Variants in NIBAN1 observed in about 807,000 individuals in gnomAD.
The protein encoded by NIBAN1 is niban apoptosis regulator 1.
A neutral mutation model predicts 75.1 loss-of-function variants in NIBAN1; 81 were observed. That is an observed-to-expected ratio of 1.08 (90% CI 0.90 to 1.30). NIBAN1 has a LOEUF of 1.30. Among genes scored for constraint, NIBAN1 ranks in the 50% most tolerant of loss-of-function variants. The pLI, the probability that NIBAN1 is intolerant of heterozygous loss-of-function variation, is 0.00. For synonymous variants in NIBAN1, 436 were observed against 424.8 expected, an observed-to-expected ratio of 1.03 and a Z score of -0.32; for missense variants, 1,133 against 1,128.1, an observed-to-expected ratio of 1.00 and a Z score of -0.06.
At chr1:184,858,282 T>C (rs79102038) in intron 5 of NIBAN1, among the ~76,000 whole-genome samples, 3,288 of 151,472 alleles carry the variant, frequency 0.022, 84 homozygotes, top group East Asian at 0.073. Flanking sequence ...TGAAAAGATA[T>C]AAAAAGGGTT....
chr1:184,834,589 G>C (rs1461386052), intron 5 of NIBAN1, among the ~76,000 whole-genome samples: 1 of 152,172 alleles, frequency 6.6e-6, no homozygotes, highest in Non-Finnish European at 1.5e-5. Context: ...GTTGTGATTT[G>C]TGTTTCTCTG....
intron 6 of NIBAN1, among the ~76,000 whole-genome samples, chr1:184,827,190 G>A (rs1447234129): frequency 2.6e-5 from 4 of 152,062 alleles, no homozygotes; most frequent in South Asian, 2.1e-4. Context: ...ACCCAGTCTC[G>A]GTTATGTCTT....
intron 1 of NIBAN1, among the ~76,000 whole-genome samples, chr1:184,904,507 C>T (rs1477104970): frequency 6.6e-6 from 1 of 152,152 alleles, no homozygotes; most frequent in Non-Finnish European, 1.5e-5. Context: ...GGCTCAAAAA[C>T]TCAGCATTCA....
intron 1 of NIBAN1, among the ~76,000 whole-genome samples, chr1:184,972,816 G>A (rs565770279): frequency 6.6e-6 from 1 of 152,366 alleles, no homozygotes; most frequent in African/African-American, 2.4e-5. Context: ...CGGCCAGGAA[G>A]TCTTCTTTAA....
At chr1:184,904,268 A>T (rs948718376) in intron 1 of NIBAN1, among the ~76,000 whole-genome samples, 3 of 151,904 alleles carry the variant, frequency 2.0e-5, no homozygotes, top group African/African-American at 7.3e-5. Flanking sequence ...TAGACTCATG[A>T]TCCACCCGCC....
At chr1:184,920,201 A>G (rs1255164635) in intron 1 of NIBAN1, among the ~76,000 whole-genome samples, 1 of 152,206 alleles carries the variant, frequency 6.6e-6, no homozygotes, top group Non-Finnish European at 1.5e-5. Context: ...AATTATCGGA[A>G]AGATATGAAA....
chr1:184,861,929 A>G (rs1349183756), intron 5 of NIBAN1, among the ~76,000 whole-genome samples: 3 of 152,168 alleles, frequency 2.0e-5, no homozygotes, highest in Non-Finnish European at 4.4e-5. Flanking sequence ...CACAGTGACT[A>G]GTACTGTCAG....
chr1:184,803,732 A>G (rs973297326), intron 11 of NIBAN1, 40 bp from the exon 12 acceptor site: 1 of 1,565,800 alleles, frequency 6.4e-7, no homozygotes, highest in South Asian at 1.1e-5. Flanking sequence ...TAACATTACA[A>G]TCTGTTGACT....
chr1:184,857,063 C>G (rs892236796), intron 5 of NIBAN1, among the ~76,000 whole-genome samples: 1 of 152,142 alleles, frequency 6.6e-6, no homozygotes, highest in African/African-American at 2.4e-5. Flanking sequence ...AAACACCCAA[C>G]CTATGAAATC....
intron 5 of NIBAN1, among the ~76,000 whole-genome samples, chr1:184,837,623 CCAGA>C (rs1655174282): frequency 6.6e-6 from 1 of 152,110 alleles, no homozygotes; most frequent in Non-Finnish European, 1.5e-5. Context: ...CTTCAGAATC[CCAGA>C]CAGACACTGG....
intron 1 of NIBAN1, 56 bp downstream of exon 1, chr1:184,974,246 G>C (rs1304574333): frequency 2.1e-6 from 3 of 1,439,962 alleles, no homozygotes; most frequent in Non-Finnish European, 2.7e-6. Context: ...GACCGCGGCA[G>C]CCAGCCTGGT....
rs1434722504 is a variant in NIBAN1, at chr1:184,845,772, G to A, written c.602-13810C>T. ...GCGCAGGCCAGTGTGTGTGCGCACC[G>A]TGCGCGAGCCGAAGCAGGGCGAGGC... On this transcript the variant is annotated intron_variant, in intron 5 of 13. Coordinates refer to ENST00000367511, the MANE Select transcript of NIBAN1 (RefSeq NM_052966.4). Among the ~76,000 whole-genome samples the A allele has an allele frequency of 7.9e-4, 67 of 85,210 alleles. 24 individuals are homozygous for A. The highest frequency in any genetic ancestry group is 2.5e-3 in the East Asian group (10 of 3,936). 55.9% of individuals were successfully genotyped at this position (85,210 alleles called of 152,430 possible). A position where few individuals can be genotyped will look rare whatever the true frequency, so the allele number is the denominator to read the frequency against.
chr1:184,828,035 T>A (rs1478328975), intron 6 of NIBAN1, among the ~76,000 whole-genome samples: 1 of 151,798 alleles, frequency 6.6e-6, no homozygotes, highest in Non-Finnish European at 1.5e-5. Context: ...CTTGGTATTT[T>A]AAAAGCAAAT....
chr1:184,884,794 C>T lies in NIBAN1; in HGVS notation c.440G>A (p.Ser147Asn). ...DRHFPDPLAS[S>N]EKENTQPFVV... is the part of the protein sequence containing the mutation. ...AAAGGGCTGAGTGTTCTCCTTCTCA[C>T]TGGAGGCTAAAGAAATATTGAAAAC... Residue 147 changes from serine to asparagine, a missense_variant, in exon 5 of 14, where the codon AGT (serine) becomes AAT (asparagine). Transcript: ENST00000367511. The T allele has an allele frequency of 6.2e-7, 1 of 1,613,330 alleles. No homozygotes were observed. Among genetic ancestry groups the T allele is most frequent in the Non-Finnish European group, 8.5e-7 (1 of 1,179,696 alleles).
At chr1:184,817,729 T>C (rs1654578529) in intron 9 of NIBAN1, among the ~76,000 whole-genome samples, 1 of 152,248 alleles carries the variant, frequency 6.6e-6, no homozygotes, top group Admixed American at 6.5e-5. Flanking sequence ...TAATGCAAAC[T>C]AACTATGGCC....
intron 5 of NIBAN1, among the ~76,000 whole-genome samples, chr1:184,833,912 G>A (rs1039094224): frequency 6.0e-5 from 9 of 150,958 alleles, no homozygotes; most frequent in Non-Finnish European, 7.4e-5. Context: ...ACAATGTGCA[G>A]GTTTGTTACA....
chr1:184,907,509 C>A (rs928025052), intron 1 of NIBAN1, among the ~76,000 whole-genome samples: 3 of 151,948 alleles, frequency 2.0e-5, no homozygotes, highest in Admixed American at 1.3e-4. Context: ...TTATTTTCAC[C>A]AGAGTTTCTC....
At chr1:184,914,400 A>T (rs2102009449) in intron 1 of NIBAN1, among the ~76,000 whole-genome samples, 1 of 152,334 alleles carries the variant, frequency 6.6e-6, no homozygotes, top group African/African-American at 2.4e-5. Flanking sequence ...ACATGCTAAC[A>T]AATGTGGTGT....
At position 184,810,556 on chromosome 1, in the gene NIBAN1, T is replaced by C. The variant is rs187380148; in HGVS notation, c.1174-2321A>G. ...AAATTGAAAACCTAACTTAGTAGTATGCACCTGTAACAATAACTGAGTGTT... is the reference window on the plus strand; with the variant it reads ...AAATTGAAAACCTAACTTAGTAGTACGCACCTGTAACAATAACTGAGTGTT... On this transcript the variant is annotated intron_variant, in intron 9 of 13. Coordinates refer to ENST00000367511, the MANE Select transcript of NIBAN1 (RefSeq NM_052966.4). 2.0e-3 allele frequency among the ~76,000 whole-genome samples: 302 copies of C among 152,366 alleles called. 3 individuals carry two copies. Among genetic ancestry groups the C allele is most frequent in the African/African-American group, 7.1e-3 (294 of 41,586 alleles).
Sources: allele counts gnomAD v4.1 joint callset (sites outside exome capture counted in the v4.1 genomes callset), GRCh38; gene constraint gnomAD v4.1.1; transcripts MANE v1.5; gene names NCBI Gene and HGNC (gene_info 2026-07-23, HGNC 2026-07-21).